MS4A5: variants seen among roughly 807,000 people sequenced by gnomAD.
MS4A5 encodes membrane-spanning 4-domains subfamily A member 5.
MS4A5 carries 15 observed loss-of-function variants against 18.2 expected under a neutral mutation model. The ratio of observed to expected loss-of-function variants is 0.83; its 90% CI spans 0.55 to 1.27. MS4A5 has a LOEUF of 1.27. MS4A5 is among the 50% of genes most tolerant of loss of function. MS4A5 has a pLI of 0.00. For synonymous variants in MS4A5, 89 were observed against 78.7 expected (o/e 1.13, Z -0.69); for missense variants, 232 against 225.7 (o/e 1.03, Z -0.18).
intron 2 of MS4A5, 71 bp from the exon 3 acceptor site, chr11:60,432,340 G>A (rs1590830500): frequency 4.1e-6 from 4 of 978,086 alleles, no homozygotes; most frequent in Non-Finnish European, 6.2e-6. Context: ...GAAATGCATA[G>A]AGGTCTATTC....
chr11:60,443,253 G>T (rs1408407971), intron 4 of MS4A5, among the ~76,000 whole-genome samples: 2 of 151,980 alleles, frequency 1.3e-5, no homozygotes, highest in Non-Finnish European at 2.9e-5. Context: ...GAGCCTACAA[G>T]CCTCAACAAA....
At chr11:60,439,512 A>ATATC (rs2086099074) in intron 4 of MS4A5, among the ~76,000 whole-genome samples, 2 of 90,912 alleles carry the variant, frequency 2.2e-5, no homozygotes, top group Admixed American at 1.3e-4. Context: ...ACATGATTGT[A>ATATC]TATCTAGAAA....
intron 2 of MS4A5, among the ~76,000 whole-genome samples, chr11:60,431,491 C>T (rs759111358): frequency 6.6e-6 from 1 of 152,160 alleles, no homozygotes; most frequent in Non-Finnish European, 1.5e-5. Context: ...AGAGCAATGG[C>T]TTCAGGGAAA....
At chr11:60,432,268 A>G in intron 2 of MS4A5, 143 bp from the exon 3 acceptor site, 1 of 471,336 alleles carries the variant, frequency 2.1e-6, no homozygotes. Context: ...AAGTCATATA[A>G]AGCAACTCAC....
intron 2 of MS4A5, among the ~76,000 whole-genome samples, chr11:60,431,257 CAT>C (rs2086047146): frequency 6.6e-6 from 1 of 152,168 alleles, no homozygotes; most frequent in African/African-American, 2.4e-5. Flanking sequence ...AGCAAGAAAA[CAT>C]GTAAACAGGT....
At chr11:60,441,332 G>A (rs1590834549) in intron 4 of MS4A5, among the ~76,000 whole-genome samples, 2 of 82,348 alleles carry the variant, frequency 2.4e-5, no homozygotes, top group East Asian at 6.2e-4. Context: ...AATGCTAGAT[G>A]ACGAGTTAGT....
chr11:60,442,889 C>T (rs1007147788), intron 4 of MS4A5, among the ~76,000 whole-genome samples: 1 of 152,090 alleles, frequency 6.6e-6, no homozygotes, highest in Non-Finnish European at 1.5e-5. Context: ...GCCTGTAATC[C>T]CAGGACTTTG....
At chr11:60,444,021 G>A (rs902519541) in intron 4 of MS4A5, among the ~76,000 whole-genome samples, 1 of 152,156 alleles carries the variant, frequency 6.6e-6, no homozygotes, top group Non-Finnish European at 1.5e-5. Flanking sequence ...AAGCCTTGCA[G>A]GAGCAGACTA....
intron 4 of MS4A5, among the ~76,000 whole-genome samples, chr11:60,437,437 G>A (rs1159728452): frequency 2.0e-5 from 3 of 151,648 alleles, no homozygotes; most frequent in Admixed American, 1.3e-4. Context: ...AACTTTAAAT[G>A]TAAATGGACT....
intron 4 of MS4A5, among the ~76,000 whole-genome samples, chr11:60,441,456 T>TAA (rs201729443): frequency 1.7e-3 from 178 of 105,652 alleles, no homozygotes; most frequent in Admixed American, 2.5e-3. Context: ...AAAAGGCCAT[T>TAA]AAAAAAAAAA....
intron 4 of MS4A5, among the ~76,000 whole-genome samples, chr11:60,447,429 G>GCTATGCTATGCTATCCTATT (rs879310281): frequency 0.027 from 4,081 of 152,030 alleles, 105 homozygotes; most frequent in Admixed American, 0.034. Flanking sequence ...CCTAGGCTAT[G>GCTATGCTATGCTATCCTATT]CTATGCTATG....
chr11:60,447,736 T>C lies in MS4A5; in HGVS notation c.580T>C (p.Cys194Arg), dbSNP rs138131890. 16 of 1,594,162 alleles carry C rather than the reference T, an allele frequency of 1.0e-5. No individual in the cohort carries two copies. In the African/African-American group the frequency reaches 2.2e-4, roughly 22 times the overall value. Residue 194 changes from cysteine (C) to arginine (R), a missense_variant, in exon 5 of 5, where the codon TGT becomes CGT. By Grantham distance (180) the Cys-to-Arg change is radical. Transcript: ENST00000300190. The part of the protein sequence containing the change: ...FSILGCHSED[C>R]DCEQCC ...AATTTTGGGGTGCCACTCAGAGGAT[T>C]GTGATTGTGAACAATGTTGTTGACT...
At position 60,429,664 on chromosome 11, in the gene MS4A5, C is replaced by A; in HGVS notation, c.-11C>A. 6.2e-7 allele frequency: 1 copy of A among 1,603,166 alleles called. No individual in the cohort carries two copies. The highest frequency in any genetic ancestry group is 8.5e-7 in the Non-Finnish European group (1 of 1,176,574). On this transcript the variant is annotated 5_prime_UTR_variant, in exon 1 of 5. Coordinates refer to ENST00000300190, the MANE Select transcript of MS4A5 (RefSeq NM_023945.3). The stretch of plus-strand genomic sequence containing the variant: ...TAAATCATCTCCTTTCAAATTATCA[C>A]CGACACCATCATGGATTCAAGCACC...
chr11:60,445,981 A>G (rs1590836518), intron 4 of MS4A5, among the ~76,000 whole-genome samples: 1 of 152,250 alleles, frequency 6.6e-6, no homozygotes, highest in Admixed American at 6.5e-5. Flanking sequence ...AATGATAAAC[A>G]GACCTTTTAA....
chr11:60,430,724 A>T, intron 1 of MS4A5, 72 bp from the exon 2 acceptor site: 2 of 1,558,470 alleles, frequency 1.3e-6, no homozygotes, highest in South Asian at 2.4e-5. Flanking sequence ...TTTGACCAAA[A>T]GAAGATATTC....
At chr11:60,441,311 G>A (rs1421249907) in intron 4 of MS4A5, among the ~76,000 whole-genome samples, 2 of 85,508 alleles carry the variant, frequency 2.3e-5, no homozygotes, top group Non-Finnish European at 5.5e-5. Context: ...ATAGCATCGG[G>A]AGATATACCT....
intron 2 of MS4A5, among the ~76,000 whole-genome samples, chr11:60,431,945 C>A (rs1233886231): frequency 6.7e-6 from 1 of 149,912 alleles, no homozygotes; most frequent in African/African-American, 2.5e-5. Context: ...AATGCTACCA[C>A]GTGTGACCCA....
chr11:60,432,239 C>T (rs890730567), intron 2 of MS4A5, among the ~76,000 whole-genome samples, 172 bp from the exon 3 acceptor site: 2 of 152,152 alleles, frequency 1.3e-5, no homozygotes, highest in African/African-American at 4.8e-5. Flanking sequence ...AGTGTTTTGT[C>T]CACTATTCCA....
intron 4 of MS4A5, 72 bp downstream of exon 4, chr11:60,433,989 A>G: frequency 7.6e-7 from 1 of 1,318,462 alleles, no homozygotes; most frequent in Non-Finnish European, 1.1e-6. Flanking sequence ...CTCAATCAGC[A>G]CCATTCAGAT....
Sources: allele counts gnomAD v4.1 joint callset (sites outside exome capture counted in the v4.1 genomes callset), GRCh38; gene constraint gnomAD v4.1.1; transcripts MANE v1.5; gene names NCBI Gene and HGNC (gene_info 2026-07-23, HGNC 2026-07-21).